The following ALK variants were observed in gnomAD, a reference collection of about 807,000 sequenced individuals.
ALK encodes ALK receptor tyrosine kinase, also known as ALK tyrosine kinase receptor.
Under a neutral mutation model 163.1 loss-of-function variants are expected in ALK, and 74 were observed. The observed-to-expected ratio is 0.45, with a 90% CI of 0.38 to 0.55. The LOEUF (loss-of-function observed/expected upper bound fraction) is 0.55. Ranked by LOEUF, ALK falls within the 20% of genes least tolerant of loss-of-function variation. The pLI is 0.00. For synonymous variants in ALK, 960 were observed against 843.2 expected, an observed-to-expected ratio of 1.14 and a Z score of -2.40; for missense variants, 2,063 against 2,105.3, an observed-to-expected ratio of 0.98 and a Z score of 0.39.
Position 29,227,601 on chromosome 2 carries a change from C to G in ALK, c.2887G>C (p.Gly963Arg). 6.2e-7 allele frequency: 1 copy of G among 1,614,038 alleles called. No homozygotes were observed. Among genetic ancestry groups the G allele is most frequent in the East Asian group, 2.2e-5 (1 of 44,878 alleles). ...EDGVSFISPL[G>R]ILYTPALKVM... ...TTTAAAGCTGGGGTGTACAGGATGC[C>G]CAGTGGACTGATGAAGGAAACCCCA... Residue 963 changes from glycine to arginine, a missense_variant, in exon 17 of 29, where the codon GGC (glycine) becomes CGC (arginine). Gly to Arg is a moderately radical substitution (Grantham distance 125). Coordinates refer to ENST00000389048, the MANE Select transcript of ALK (RefSeq NM_004304.5). The surrounding 1 kb of genome is among the most constrained non-coding windows in gnomAD (Gnocchi z 4.4).
chr2:29,911,328 C>A (rs1277401805), intron 1 of ALK, among the ~76,000 whole-genome samples: 1 of 152,184 alleles, frequency 6.6e-6, no homozygotes, highest in African/African-American at 2.4e-5. Context: ...TGATAGAAAC[C>A]CTCAAATAGA....
chr2:29,820,579 A>G (rs1665020598), intron 1 of ALK, among the ~76,000 whole-genome samples: 1 of 152,248 alleles, frequency 6.6e-6, no homozygotes, highest in Non-Finnish European at 1.5e-5. Flanking sequence ...AGCAATGTAC[A>G]AAACTGAAAG....
intron 1 of ALK, among the ~76,000 whole-genome samples, chr2:29,776,798 A>G (rs889778280): frequency 6.6e-6 from 1 of 152,194 alleles, no homozygotes; most frequent in African/African-American, 2.4e-5. Flanking sequence ...CCCTGTCTCA[A>G]AAAAACAAAA....
intron 1 of ALK, among the ~76,000 whole-genome samples, chr2:29,819,041 G>C (rs1031757024): frequency 6.6e-6 from 1 of 152,144 alleles, no homozygotes; most frequent in Non-Finnish European, 1.5e-5. Context: ...GAAATATGGG[G>C]GAAGGGAGGA....
At chr2:29,598,696 A>G (rs1456392853) in intron 3 of ALK, among the ~76,000 whole-genome samples, 1 of 152,206 alleles carries the variant, frequency 6.6e-6, no homozygotes, top group African/African-American at 2.4e-5. Context: ...TGGGCATAGA[A>G]AAAAGAATGG....
rs186836952 is a variant in ALK at position 29,401,356 on chromosome 2, A to G, written c.1155-17497T>C. Among the ~76,000 whole-genome samples the G allele has an allele frequency of 3.0e-4, 46 of 152,296 alleles. 1 individual carries two copies. The highest frequency in any genetic ancestry group is 1.1e-3 in the African/African-American group (44 of 41,550). ...GCTGTTACTTTCCCAAAAGCACCAC[A>G]GGACTCTCCAGAGCTCAGCTGAAAG... On this transcript the variant is annotated intron_variant, in intron 4 of 28. Coordinates refer to ENST00000389048, the MANE Select transcript of ALK (RefSeq NM_004304.5).
chr2:29,392,976 C>G (rs12466149), intron 4 of ALK, among the ~76,000 whole-genome samples: 2 of 6,154 alleles, frequency 3.2e-4, no homozygotes, highest in Non-Finnish European at 5.6e-4. Flanking sequence ...TAAGATCACT[C>G]AAAGTTCAAG....
Position 29,920,324 on chromosome 2 carries a change from G to C in ALK, c.336C>G (p.Ala112=), listed in dbSNP as rs776604754. 3.0e-5 allele frequency: 46 copies of C among 1,553,920 alleles called. No individual in the cohort carries two copies. Among genetic ancestry groups the C allele is most frequent in the African/African-American group, 8.2e-5 (6 of 73,346 alleles). Residue 112 remains alanine (A), a synonymous_variant, in exon 1 of 29, where the codon GCC becomes GCG. Coordinates refer to ENST00000389048, the MANE Select transcript of ALK (RefSeq NM_004304.5). ...GGGCCTCTGCCGGGGCTGGTGAACC[G>C]GCGGTCCAGGAGACCCCCGGCGCCG... ...LGPAPGVSWT[A]GSPAPAEART...
chr2:29,523,298 T>C (rs985457783), intron 4 of ALK, among the ~76,000 whole-genome samples: 2 of 152,162 alleles, frequency 1.3e-5, no homozygotes, highest in African/African-American at 4.8e-5. Context: ...CTAGCTTGCC[T>C]GACAGCCACA....
At chr2:29,410,015 A>C (rs1003917114) in intron 4 of ALK, among the ~76,000 whole-genome samples, 1 of 152,100 alleles carries the variant, frequency 6.6e-6, no homozygotes, top group Admixed American at 6.5e-5. Flanking sequence ...CATATGTTCA[A>C]CCTTCATAAT....
chr2:29,747,968 C>T (rs939321861), intron 1 of ALK, among the ~76,000 whole-genome samples: 3 of 152,134 alleles, frequency 2.0e-5, no homozygotes, highest in Admixed American at 2.0e-4. Flanking sequence ...TAACTAGCAA[C>T]GAAAGAATGA....
chr2:29,477,186 G>A (rs570340583), intron 4 of ALK, among the ~76,000 whole-genome samples: 11 of 152,218 alleles, frequency 7.2e-5, no homozygotes, highest in South Asian at 4.2e-4. Flanking sequence ...GGGGTGGAAG[G>A]TCTGAGTGGG....
chr2:29,861,205 G>A (rs1235451885), intron 1 of ALK, among the ~76,000 whole-genome samples: 1 of 152,094 alleles, frequency 6.6e-6, no homozygotes, highest in Non-Finnish European at 1.5e-5. Flanking sequence ...GAAGGAGGAA[G>A]CACTCAAATA....
chr2:29,695,757 T>C (rs1364619727), intron 2 of ALK, among the ~76,000 whole-genome samples: 1 of 151,922 alleles, frequency 6.6e-6, no homozygotes, highest in Non-Finnish European at 1.5e-5. Flanking sequence ...AACAAACATA[T>C]GAAAAAAAGC....
At chr2:29,758,628 G>A (rs541085286) in intron 1 of ALK, among the ~76,000 whole-genome samples, 39 of 152,020 alleles carry the variant, frequency 2.6e-4, no homozygotes, top group Middle Eastern at 3.4e-3. Flanking sequence ...CTCCCTCCTC[G>A]GCTCCCTCCT....
intron 9 of ALK, among the ~76,000 whole-genome samples, chr2:29,287,422 T>C (rs779059735): frequency 2.6e-5 from 4 of 152,212 alleles, no homozygotes; most frequent in Non-Finnish European, 4.4e-5. Context: ...TTCAACTGAA[T>C]TATGTAACCA....
chr2:29,256,192 G>A (rs1248981524), intron 11 of ALK, among the ~76,000 whole-genome samples: 2 of 152,178 alleles, frequency 1.3e-5, no homozygotes, highest in African/African-American at 2.4e-5. Flanking sequence ...GAGTCAAGGT[G>A]AGCCTTGATC....
At chr2:29,332,399 G>A (rs1667472756) in intron 5 of ALK, among the ~76,000 whole-genome samples, 2 of 149,538 alleles carry the variant, frequency 1.3e-5, no homozygotes, top group Admixed American at 1.3e-4. Flanking sequence ...TGTCCCAATG[G>A]GCATGGGTGT....
intron 1 of ALK, among the ~76,000 whole-genome samples, chr2:29,858,956 C>T (rs752350544): frequency 1.3e-5 from 2 of 152,042 alleles, no homozygotes; most frequent in African/African-American, 2.4e-5. Context: ...TTGCTTGAAC[C>T]GAGGAGGTGG....
Sources: gnomAD v4.1 joint callset for allele counts (sites outside exome capture counted in the v4.1 genomes callset) on GRCh38, gnomAD v4.1.1 for gene constraint, Gnocchi (gnomAD v3.1) non-coding constraint, MANE v1.5 for transcripts, NCBI Gene and HGNC (gene_info 2026-07-23, HGNC 2026-07-21) for gene names.